Variants in ST3GAL3 observed in about 807,000 individuals in gnomAD.
ST3GAL3 encodes the protein ST3 beta-galactoside alpha-2,3-sialyltransferase 3.
ST3GAL3 carries 21 observed loss-of-function variants against 50.1 expected under a neutral mutation model. That is an observed-to-expected ratio of 0.42 (90% CI 0.30 to 0.60). The LOEUF is 0.60. Among genes scored for constraint, ST3GAL3 ranks in the 20% least tolerant of loss-of-function variants. The pLI is 0.19. For missense variants in ST3GAL3, 353 were observed against 489.4 expected (o/e 0.72, Z 2.63); for synonymous variants, 183 against 190.0 (o/e 0.96, Z 0.30).
chr1:43,728,075 C>T (rs1250474049), intron 1 of ST3GAL3, among the ~76,000 whole-genome samples: 3 of 151,890 alleles, frequency 2.0e-5, no homozygotes, highest in Non-Finnish European at 4.4e-5. Context: ...TCTGTGTGTC[C>T]GTAAGTACCC....
rs1470308024 is a variant in ST3GAL3, at chr1:43,737,595, T to C, written c.118+1215T>C. ...AAAGTTTACTTAAATTTCTCTGCAC[T>C]GACTTATTTTTAAAACCAAGGAGAC... On this transcript the variant is annotated intron_variant, in intron 2 of 11. Coordinates refer to ENST00000347631, the MANE Select transcript of ST3GAL3 (RefSeq NM_006279.5). This position sits in a 1 kb window ranked among gnomAD's most constrained non-coding sequence, Gnocchi z 4.0. 1 of 152,228 alleles carries C rather than the reference T, an allele frequency of 6.6e-6. No homozygotes were observed. The highest frequency in any genetic ancestry group is 1.5e-5 in the Non-Finnish European group (1 of 68,036). 9.4% of individuals were successfully genotyped at this position (152,228 alleles called of 1,614,324 possible).
At chr1:43,718,776 C>T (rs1464884180) in intron 1 of ST3GAL3, among the ~76,000 whole-genome samples, 1 of 147,298 alleles carries the variant, frequency 6.8e-6, no homozygotes. Context: ...CAACCTCCAC[C>T]TCCCAGGTTC....
At chr1:43,898,577 A>G in intron 7 of ST3GAL3, 1 of 524,848 alleles carries the variant, frequency 1.9e-6, no homozygotes, top group Non-Finnish European at 3.5e-6. Flanking sequence ...TAGCCCAGCA[A>G]TGGGACTGAG....
chr1:43,731,557 ATTTTTTTT>A lies in ST3GAL3; in HGVS notation c.-30-4662_-30-4655del, dbSNP rs147263689. ...CCGCCACCATGCCCGGCTAATTTTA[ATTTTTTTT>A]TTTTTTTTTTTTTAGTAGAGATGGG... On this transcript the variant is annotated intron_variant, in intron 1 of 11. Coordinates refer to ENST00000347631, the MANE Select transcript of ST3GAL3 (RefSeq NM_006279.5). Among the ~76,000 whole-genome samples the A allele has an allele frequency of 7.6e-4, 94 of 123,554 alleles. 1 individual carries two copies. Among genetic ancestry groups the A allele is most frequent in the African/African-American group, 2.4e-3 (79 of 32,440 alleles). The allele number at this position is 123,554 out of a possible 152,430, so 81.1% of individuals were successfully genotyped here. A position where few individuals can be genotyped will look rare whatever the true frequency, so the allele number is the denominator to read the frequency against.
chr1:43,823,378 T>G (rs1433019310), intron 4 of ST3GAL3, among the ~76,000 whole-genome samples: 1 of 152,218 alleles, frequency 6.6e-6, no homozygotes, highest in Non-Finnish European at 1.5e-5. Context: ...CTTGCTGTGA[T>G]TCGGATATTC....
chr1:43,765,426 G>C (rs547579840), intron 2 of ST3GAL3, among the ~76,000 whole-genome samples: 4 of 152,158 alleles, frequency 2.6e-5, no homozygotes, highest in Non-Finnish European at 5.9e-5. Context: ...CCACCTAACT[G>C]AGAGGAGGCC....
intron 4 of ST3GAL3, among the ~76,000 whole-genome samples, chr1:43,820,549 C>T (rs920995815): frequency 6.6e-6 from 1 of 152,080 alleles, no homozygotes; most frequent in Non-Finnish European, 1.5e-5. Context: ...TCCTAAAATA[C>T]CTTATGTCTA....
chr1:43,745,057 G>A (rs1683034705), intron 2 of ST3GAL3, among the ~76,000 whole-genome samples: 1 of 152,152 alleles, frequency 6.6e-6, no homozygotes. Context: ...CCAACACTTT[G>A]GGAGGGCTGA....
chr1:43,781,380 G>C (rs1189487740), intron 2 of ST3GAL3, among the ~76,000 whole-genome samples: 1 of 152,088 alleles, frequency 6.6e-6, no homozygotes, highest in Non-Finnish European at 1.5e-5. Context: ...ACTTTGGGAG[G>C]CAGCGGATCA....
chr1:43,894,250 G>C (rs1264755025), intron 5 of ST3GAL3, 133 bp from the exon 6 acceptor site: 1 of 851,380 alleles, frequency 1.2e-6, no homozygotes, highest in African/African-American at 1.7e-5. Flanking sequence ...TGAACAGGCT[G>C]GGTGGAGGGG....
chr1:43,743,088 CA>C (rs34742553), intron 2 of ST3GAL3, among the ~76,000 whole-genome samples: 100,700 of 108,574 alleles, frequency 0.93, 46,482 homozygotes, highest in South Asian at 0.96. Flanking sequence ...GACTCCGTCT[CA>C]AAAAAAAAAA....
intron 5 of ST3GAL3, among the ~76,000 whole-genome samples, chr1:43,882,632 G>C (rs925120196): frequency 6.6e-6 from 1 of 152,212 alleles, no homozygotes. Flanking sequence ...TTTTCTTAAA[G>C]GGCCAGATAG....
chr1:43,830,955 T>C (rs906774937), intron 4 of ST3GAL3, among the ~76,000 whole-genome samples: 2 of 152,234 alleles, frequency 1.3e-5, no homozygotes, highest in Non-Finnish European at 2.9e-5. Flanking sequence ...AAGTCAAACA[T>C]TAAAACAGTA....
Position 43,836,656 on chromosome 1 carries a change from G to A in ST3GAL3, c.210-1563G>A, listed in dbSNP as rs188034874. ...ACCAGAGTTTTGGCAGCAGGCCCAA[G>A]GGTGGGGGTGGAGGAGGTGGGGACT... On this transcript the variant is annotated intron_variant, in intron 4 of 11. Coordinates refer to ENST00000347631, the MANE Select transcript of ST3GAL3 (RefSeq NM_006279.5). 8.8e-3 allele frequency among the ~76,000 whole-genome samples: 1,342 copies of A among 152,364 alleles called. 62 individuals are homozygous for A. Among genetic ancestry groups the A allele is most frequent in the Admixed American group, 0.081 (1,237 of 15,306 alleles).
Position 43,885,452 on chromosome 1 carries a change from G to A in ST3GAL3, c.303-8931G>A, listed in dbSNP as rs776326747. 4.6e-5 allele frequency among the ~76,000 whole-genome samples: 7 copies of A among 152,152 alleles called. No individual in the cohort carries two copies. The South Asian group carries it at 8.3e-4, about 18-fold the overall frequency. ...CTGCCTCGCGTGCCGGGGTGCTGGC[G>A]GGGCTGGCGGGCTGGGGCCTGTCTT... On this transcript the variant is annotated intron_variant, in intron 5 of 11. Transcript: ENST00000347631.
intron 5 of ST3GAL3, among the ~76,000 whole-genome samples, chr1:43,863,738 G>A (rs754928005): frequency 1.5e-4 from 23 of 152,260 alleles, no homozygotes; most frequent in Non-Finnish European, 2.4e-4. Flanking sequence ...GTCTGGCAGA[G>A]AGTGTCCTCA....
chr1:43,724,292 C>T (rs1028991346), intron 1 of ST3GAL3, among the ~76,000 whole-genome samples: 8 of 151,954 alleles, frequency 5.3e-5, no homozygotes, highest in Admixed American at 1.3e-4. Context: ...CTAACTGCAA[C>T]GTCTGCCTCC....
At chr1:43,725,053 T>C (rs1672258069) in intron 1 of ST3GAL3, among the ~76,000 whole-genome samples, 1 of 152,170 alleles carries the variant, frequency 6.6e-6, no homozygotes, top group African/African-American at 2.4e-5. Context: ...ATAGTGTTTG[T>C]CCTATTAGCT....
intron 2 of ST3GAL3, among the ~76,000 whole-genome samples, chr1:43,764,065 T>C (rs1691604595): frequency 6.9e-6 from 1 of 144,714 alleles, no homozygotes; most frequent in South Asian, 2.2e-4. Flanking sequence ...TTGTGAACAC[T>C]CAGAAAGTAA....
Sources: gnomAD v4.1 joint callset for allele counts (sites outside exome capture counted in the v4.1 genomes callset) on GRCh38, gnomAD v4.1.1 for gene constraint, Gnocchi (gnomAD v3.1) non-coding constraint, MANE v1.5 for transcripts, NCBI Gene and HGNC (gene_info 2026-07-23, HGNC 2026-07-21) for gene names.